AK7: variants seen among roughly 807,000 people sequenced by gnomAD.
AK7 encodes the protein adenylate kinase 7, also known as ATP-AMP transphosphorylase 7.
In AK7, 78 loss-of-function variants were observed where a neutral mutation model predicts 96.6. The ratio of observed to expected loss-of-function variants is 0.81; its 90% CI spans 0.67 to 0.97. The LOEUF (loss-of-function observed/expected upper bound fraction) is 0.97. Among genes scored for constraint, AK7 ranks in the 50% least tolerant of loss-of-function variants. The pLI is 0.00. For missense variants in AK7, 855 were observed against 887.9 expected, an observed-to-expected ratio of 0.96 and a Z score of 0.47; for synonymous variants, 302 against 317.2, an observed-to-expected ratio of 0.95 and a Z score of 0.51.
intron 10 of AK7, among the ~76,000 whole-genome samples, chr14:96,453,928 C>T (rs1354776962): frequency 2.6e-5 from 4 of 152,096 alleles, no homozygotes; most frequent in African/African-American, 9.7e-5. Context: ...CAGCCCTGCT[C>T]GTCAGGACTC....
chr14:96,462,222 G>A (rs1479647389), intron 12 of AK7, among the ~76,000 whole-genome samples: 1 of 151,984 alleles, frequency 6.6e-6, no homozygotes, highest in African/African-American at 2.4e-5. Flanking sequence ...AACAGCCAGC[G>A]TCCCTCAAAG....
intron 3 of AK7, among the ~76,000 whole-genome samples, chr14:96,405,588 A>G (rs1261526450): frequency 2.0e-5 from 3 of 152,194 alleles, no homozygotes; most frequent in Non-Finnish European, 2.9e-5. Context: ...AAGAAAAGGT[A>G]CCCCAAGGCA....
intron 15 of AK7, among the ~76,000 whole-genome samples, chr14:96,482,063 TC>T (rs1895534251): frequency 1.3e-5 from 2 of 152,088 alleles, no homozygotes; most frequent in Admixed American, 6.6e-5. Context: ...CCTCCCCTCT[TC>T]CCATATTAGA....
intron 5 of AK7, among the ~76,000 whole-genome samples, chr14:96,424,724 A>G (rs568116194): frequency 6.6e-6 from 1 of 152,352 alleles, no homozygotes; most frequent in South Asian, 2.1e-4. Context: ...TCTGTCCATT[A>G]ACTTATGACC....
chr14:96,442,737 G>T lies in AK7; in HGVS notation c.698G>T (p.Trp233Leu). ...TGCTTTTCTTCCTTTCAGATGGCTT[G>T]GTTGGGCGAGATTCCTGCATTACCA... ...GMLHTFFKMA[W>L]LGEIPALPVF... Residue 233 changes from tryptophan (W) to leucine (L), a missense_variant, in exon 7 of 18, where the codon TGG (tryptophan) becomes TTG (leucine). By Grantham distance (61) the Trp-to-Leu change is moderately conservative. Transcript: ENST00000267584. The T allele has an allele frequency of 2.5e-6, 4 of 1,614,038 alleles. No homozygotes were observed. Among genetic ancestry groups the T allele is most frequent in the Non-Finnish European group, 3.4e-6 (4 of 1,179,878 alleles).
At chr14:96,471,670 G>A in intron 13 of AK7, 64 bp downstream of exon 13, 1 of 1,302,330 alleles carries the variant, frequency 7.7e-7, no homozygotes, top group East Asian at 2.7e-5. Flanking sequence ...ATTGTTCAGA[G>A]AAGTAGTCAC....
At chr14:96,461,146 A>C (rs957260704) in intron 12 of AK7, among the ~76,000 whole-genome samples, 28 of 152,154 alleles carry the variant, frequency 1.8e-4, no homozygotes, top group African/African-American at 6.8e-4. Flanking sequence ...ACATTTGGGG[A>C]GCACTATGTT....
intron 9 of AK7, 143 bp from the exon 10 acceptor site, chr14:96,451,278 A>G (rs1229713382): frequency 4.8e-6 from 3 of 630,560 alleles, no homozygotes; most frequent in Non-Finnish European, 7.2e-6. Context: ...GATACTCTGT[A>G]AATACTCAGT....
chr14:96,432,973 G>A (rs1390623939), intron 5 of AK7, among the ~76,000 whole-genome samples: 2 of 152,146 alleles, frequency 1.3e-5, no homozygotes, highest in East Asian at 1.9e-4. Flanking sequence ...CAGTCTGGGC[G>A]ACAGAATGAT....
At chr14:96,435,966 A>G (rs562014982) in intron 5 of AK7, among the ~76,000 whole-genome samples, 5 of 152,242 alleles carry the variant, frequency 3.3e-5, no homozygotes, top group Admixed American at 2.0e-4. Context: ...AGCGATATGA[A>G]GTTAAAATAG....
chr14:96,398,569 CA>C (rs1300146720), intron 2 of AK7: 1 of 351,180 alleles, frequency 2.8e-6, no homozygotes, highest in Non-Finnish European at 5.3e-6. Flanking sequence ...GAGTCTGTGC[CA>C]TGATGGGTGC....
At chr14:96,425,153 C>T (rs1426768289) in intron 5 of AK7, among the ~76,000 whole-genome samples, 2 of 152,120 alleles carry the variant, frequency 1.3e-5, no homozygotes, top group East Asian at 3.9e-4. Context: ...GAGATAGACC[C>T]TTGAAAATAA....
At position 96,472,769 on chromosome 14, in the gene AK7, C is replaced by T; in HGVS notation, c.1555+14C>T. On this transcript the variant is annotated intron_variant, in intron 14 of 17. Coordinates refer to ENST00000267584, the MANE Select transcript of AK7 (RefSeq NM_152327.5). ...TAATTATACCTGGTAAGTTTATTTC[C>T]CTAAGATCACATTTAAAAGAATGTT... is the stretch of plus-strand genomic sequence containing the variant. 1 of 1,598,554 alleles carries T rather than the reference C, an allele frequency of 6.3e-7. No individual in the cohort carries two copies. The highest frequency in any genetic ancestry group is 8.6e-7 in the Non-Finnish European group (1 of 1,166,740).
intron 7 of AK7, among the ~76,000 whole-genome samples, chr14:96,445,822 A>G (rs187879071): frequency 4.1e-4 from 63 of 152,310 alleles, no homozygotes; most frequent in African/African-American, 1.4e-3. Flanking sequence ...ATAGACATCT[A>G]TTCACTGTTG....
chr14:96,443,949 A>G (rs1893094297), intron 7 of AK7, among the ~76,000 whole-genome samples: 1 of 151,420 alleles, frequency 6.6e-6, no homozygotes, highest in East Asian at 1.9e-4. Flanking sequence ...AATTTTTTGT[A>G]TTTTTTTAGT....
At chr14:96,408,372 T>C (rs951145254) in intron 3 of AK7, among the ~76,000 whole-genome samples, 5 of 152,236 alleles carry the variant, frequency 3.3e-5, no homozygotes, top group Admixed American at 6.5e-5. Flanking sequence ...CTGGGCAAAC[T>C]GTGCCTCGGT....
At chr14:96,469,423 G>C (rs914852937) in intron 12 of AK7, among the ~76,000 whole-genome samples, 1 of 152,116 alleles carries the variant, frequency 6.6e-6, no homozygotes, top group Non-Finnish European at 1.5e-5. Context: ...TACTCGGGAG[G>C]CTGAGGCATG....
chr14:96,462,925 CAGA>C (rs1462674118), intron 12 of AK7, among the ~76,000 whole-genome samples: 1 of 152,054 alleles, frequency 6.6e-6, no homozygotes, highest in African/African-American at 2.4e-5. Flanking sequence ...ATCACGAGGT[CAGA>C]AGTTCAAGAC....
At chr14:96,478,734 A>T in intron 15 of AK7, 72 bp downstream of exon 15, 4 of 1,464,632 alleles carry the variant, frequency 2.7e-6, no homozygotes, top group Non-Finnish European at 3.8e-6. Flanking sequence ...TCTAGCTGTA[A>T]TTGTGGGGCT....
Sources: allele counts gnomAD v4.1 joint callset (sites outside exome capture counted in the v4.1 genomes callset), GRCh38; gene constraint gnomAD v4.1.1; transcripts MANE v1.5; gene names NCBI Gene and HGNC (gene_info 2026-07-23, HGNC 2026-07-21).